YWHAE: variants seen among roughly 807,000 people sequenced by gnomAD.
YWHAE encodes the protein 14-3-3 protein epsilon.
In YWHAE, 4 loss-of-function variants were observed where a neutral mutation model predicts 30.1. The ratio of observed to expected loss-of-function variants is 0.13; its 90% CI spans 0.07 to 0.30. YWHAE has a LOEUF of 0.30. YWHAE is among the 10% of genes least tolerant of loss of function. The pLI, the probability that YWHAE is intolerant of heterozygous loss-of-function variation, is 1.00. For missense variants in YWHAE, 121 were observed against 315.9 expected, an observed-to-expected ratio of 0.38 and a Z score of 4.68; for synonymous variants, 118 against 111.8, an observed-to-expected ratio of 1.06 and a Z score of -0.35.
chr17:1,370,087 A>G (rs1354095004), intron 1 of YWHAE, among the ~76,000 whole-genome samples: 1 of 142,180 alleles, frequency 7.0e-6, no homozygotes, highest in African/African-American at 2.6e-5. Flanking sequence ...GTAGCATCTG[A>G]CGCTGTTGGA....
intron 5 of YWHAE, among the ~76,000 whole-genome samples, chr17:1,348,742 G>A (rs903511612): frequency 6.6e-6 from 1 of 152,180 alleles, no homozygotes; most frequent in African/African-American, 2.4e-5. Context: ...AAAAAATGTA[G>A]GCCGGGAACA....
At chr17:1,398,342 C>CA (rs1555648145) in intron 1 of YWHAE, among the ~76,000 whole-genome samples, 82 of 34,752 alleles carry the variant, frequency 2.4e-3, no homozygotes, top group South Asian at 7.4e-3. Flanking sequence ...TATCCCCCCC[C>CA]CCAACAGGAA....
intron 1 of YWHAE, among the ~76,000 whole-genome samples, chr17:1,389,883 G>A (rs747088057): frequency 2.1e-4 from 31 of 150,726 alleles, no homozygotes; most frequent in Non-Finnish European, 3.5e-4. Context: ...TGCTCTTGTC[G>A]CCCAGGCTGG....
chr17:1,370,331 CCA>C (rs2073016918), intron 1 of YWHAE, among the ~76,000 whole-genome samples: 1 of 151,250 alleles, frequency 6.6e-6, no homozygotes, highest in Non-Finnish European at 1.5e-5. Context: ...CGGGGTTTCA[CCA>C]TGTTAGCCAG....
At chr17:1,384,632 T>C (rs1012761494) in intron 1 of YWHAE, among the ~76,000 whole-genome samples, 1 of 152,082 alleles carries the variant, frequency 6.6e-6, no homozygotes, top group Non-Finnish European at 1.5e-5. Flanking sequence ...TTTTGAGGGT[T>C]TCACCAGGCT....
At chr17:1,374,938 T>C (rs2073100906) in intron 1 of YWHAE, among the ~76,000 whole-genome samples, 1 of 152,140 alleles carries the variant, frequency 6.6e-6, no homozygotes, top group Admixed American at 6.6e-5. Context: ...AGGGTCTCAC[T>C]ACGTTGCCCT....
chr17:1,354,137 A>G, intron 5 of YWHAE, 74 bp downstream of exon 5: 2 of 1,542,450 alleles, frequency 1.3e-6, no homozygotes, highest in Non-Finnish European at 1.7e-6. Context: ...ACGACAAGCC[A>G]AGGAATGTCT....
chr17:1,354,133 A>G, intron 5 of YWHAE, 78 bp downstream of exon 5: 5 of 1,526,510 alleles, frequency 3.3e-6, no homozygotes, highest in Non-Finnish European at 4.4e-6. Context: ...TATAACGACA[A>G]GCCAAGGAAT....
At chr17:1,350,818 G>T (rs1230760734) in intron 5 of YWHAE, among the ~76,000 whole-genome samples, 1 of 151,726 alleles carries the variant, frequency 6.6e-6, no homozygotes, top group Non-Finnish European at 1.5e-5. Flanking sequence ...CAAGCATTTT[G>T]GGAGGCCGAG....
At chr17:1,388,489 A>C (rs2073341700) in intron 1 of YWHAE, among the ~76,000 whole-genome samples, 1 of 150,142 alleles carries the variant, frequency 6.7e-6, no homozygotes, top group Non-Finnish European at 1.5e-5. Context: ...GCGCCACTGC[A>C]CTCCAGCCTG....
In YWHAE at chr17:1,345,151, A is replaced by T; in HGVS notation, c.*296T>A. The T allele has an allele frequency of 2.3e-6, 1 of 430,652 alleles. No individual in the cohort carries two copies. The allele number at this position is 430,652 out of a possible 1,614,324, so 26.7% of individuals were successfully genotyped here. Reference sequence around the variant, plus strand: ...TCCATTTGCTAATGGTGATCTTGCCACATCTGGCACGGAGACGACACAGTA... The same window carrying T: ...TCCATTTGCTAATGGTGATCTTGCCTCATCTGGCACGGAGACGACACAGTA... On this transcript the variant is annotated 3_prime_UTR_variant, in exon 6 of 6. Transcript: ENST00000264335.
Position 1,386,371 on chromosome 17 carries a change from G to C in YWHAE, c.64+13676C>G, listed in dbSNP as rs188111026. Among the ~76,000 whole-genome samples the C allele has an allele frequency of 9.9e-5, 15 of 152,270 alleles. No homozygotes were observed. In the East Asian group the frequency reaches 2.9e-3, roughly 29 times the overall value. On this transcript the variant is annotated intron_variant, in intron 1 of 5. Transcript: ENST00000264335. ...TAACTCTTAATTACACATAGGAACAGAGTAACTCCGAAAGCAATCATACAT... is the reference window on the plus strand; with the variant it reads ...TAACTCTTAATTACACATAGGAACACAGTAACTCCGAAAGCAATCATACAT...
chr17:1,399,830 G>A lies in YWHAE; in HGVS notation c.64+217C>T, dbSNP rs1392389560. On this transcript the variant is annotated intron_variant, in intron 1 of 5. Coordinates refer to ENST00000264335, the MANE Select transcript of YWHAE (RefSeq NM_006761.5). ...CCCCGTCGCCCCGGCCTCCCGGCCC[G>A]CGAGTTGTTTGCAGTTAAGGACGGC... is the stretch of plus-strand genomic sequence containing the variant. 2.7e-5 allele frequency: 8 copies of A among 297,440 alleles called. No homozygotes were observed. The Admixed American group carries it at 4.0e-4, about 15-fold the overall frequency. 18.4% of individuals were successfully genotyped at this position (297,440 alleles called of 1,614,324 possible). A position where few individuals can be genotyped will look rare whatever the true frequency, so the allele number is the denominator to read the frequency against.
rs751262691 is a variant in YWHAE, at chr17:1,400,130, G to C, written c.-20C>G. The C allele has an allele frequency of 5.0e-6, 8 of 1,613,978 alleles. No homozygotes were observed. The highest frequency in any genetic ancestry group is 3.4e-6 in the Non-Finnish European group (4 of 1,179,984). ...ATCCATAGCGGCAGCGGCTCCGGCA[G>C]GGTCTGCGCGACGGATGGAAGCGGA... On this transcript the variant is annotated 5_prime_UTR_variant, in exon 1 of 6. Coordinates refer to ENST00000264335, the MANE Select transcript of YWHAE (RefSeq NM_006761.5).
At chr17:1,384,696 G>C (rs753098894) in intron 1 of YWHAE, among the ~76,000 whole-genome samples, 4 of 151,576 alleles carry the variant, frequency 2.6e-5, no homozygotes, top group East Asian at 4.0e-4. Flanking sequence ...CAAAGTGCTG[G>C]GATTAAAGGA....
rs1014074096 is a variant in YWHAE, at chr17:1,361,133, T to C, written c.537A>G (p.Val179=). The stretch of plus-strand genomic sequence containing the variant: ...GGGAATTAAGAATTTCGTAGTAGAA[T>C]ACGGAAAAATTGAGAGCAAGACCTA... ...IRLGLALNFS[V]FYYEILNSPD... is the part of the protein sequence containing the mutation. The change falls in exon 4 of 6, where the codon GTA becomes GTG. Residue 179 remains valine (V), a synonymous_variant. Transcript: ENST00000264335. 1.9e-6 allele frequency: 3 copies of C among 1,614,002 alleles called. No homozygotes were observed. Among genetic ancestry groups the C allele is most frequent in the Non-Finnish European group, 2.5e-6 (3 of 1,180,030 alleles).
intron 1 of YWHAE, among the ~76,000 whole-genome samples, chr17:1,396,923 C>CT (rs796641845): frequency 0.049 from 6,764 of 137,304 alleles, 388 homozygotes; most frequent in African/African-American, 0.14. Context: ...CACCTGGCCT[C>CT]TTTTTTTTTT....
At chr17:1,359,926 AGGGGG>A (rs1567962546) in intron 4 of YWHAE, among the ~76,000 whole-genome samples, 1 of 4,452 alleles carries the variant, frequency 2.2e-4, no homozygotes, top group African/African-American at 1.6e-3. Context: ...GGGGAGGGGG[AGGGGG>A]GGAGGAGGGG....
chr17:1,387,477 C>A (rs2073316369), intron 1 of YWHAE, among the ~76,000 whole-genome samples: 1 of 152,152 alleles, frequency 6.6e-6, no homozygotes, highest in Admixed American at 6.5e-5. Context: ...CTTTAAAATT[C>A]TGTTTTGGAA....
Sources: allele counts gnomAD v4.1 joint callset (sites outside exome capture counted in the v4.1 genomes callset), GRCh38; gene constraint gnomAD v4.1.1; transcripts MANE v1.5; gene names NCBI Gene and HGNC (gene_info 2026-07-23, HGNC 2026-07-21).